Variants in AGBL1 observed in about 807,000 individuals in gnomAD.
The protein encoded by AGBL1 is AGBL carboxypeptidase 1, also known as cytosolic carboxypeptidase 4.
In AGBL1, 130 loss-of-function variants were observed where a neutral mutation model predicts 118.9. The ratio of observed to expected loss-of-function variants is 1.09; its 90% confidence interval spans 0.95 to 1.26. The LOEUF is 1.26. Ranked by LOEUF, AGBL1 falls within the 50% of genes most tolerant of loss-of-function variation. The probability of loss-of-function intolerance (pLI) is 0.00; values close to 1 mark genes in which losing one functional copy is unlikely to be tolerated. For synonymous variants in AGBL1, 555 were observed against 478.9 expected (o/e 1.16, Z -2.08); for missense variants, 1,584 against 1,298.1 (o/e 1.22, Z -3.38).
intron 3 of AGBL1, among the ~76,000 whole-genome samples, chr15:86,153,405 A>G (rs1315913302): frequency 6.6e-6 from 1 of 152,090 alleles, no homozygotes; most frequent in Non-Finnish European, 1.5e-5. Flanking sequence ...GCAAACTGTC[A>G]CAAGGACAGA....
chr15:86,438,064 C>A (rs35456624), intron 18 of AGBL1, among the ~76,000 whole-genome samples: 9,827 of 152,108 alleles, frequency 0.065, 885 homozygotes, highest in East Asian at 0.41. Flanking sequence ...TGCCACCATG[C>A]CCAACTAATT....
At chr15:86,620,231 A>T (rs1337200364) in intron 21 of AGBL1, among the ~76,000 whole-genome samples, 1 of 152,160 alleles carries the variant, frequency 6.6e-6, no homozygotes, top group African/African-American at 2.4e-5. Context: ...GGGCAGGAGG[A>T]TTCCGGGATG....
intron 22 of AGBL1, among the ~76,000 whole-genome samples, chr15:86,840,265 A>G (rs1567201220): frequency 6.6e-6 from 1 of 152,120 alleles, no homozygotes; most frequent in African/African-American, 2.4e-5. Context: ...CATTTCATCA[A>G]GAGGGCAAGT....
chr15:86,456,205 C>A (rs1265422230), intron 18 of AGBL1, among the ~76,000 whole-genome samples: 1 of 152,152 alleles, frequency 6.6e-6, no homozygotes, highest in Admixed American at 6.6e-5. Flanking sequence ...TGCTGCCAAT[C>A]TGAGTTGGGT....
intron 5 of AGBL1, among the ~76,000 whole-genome samples, chr15:86,181,840 T>C (rs1394366831): frequency 6.6e-6 from 1 of 152,096 alleles, no homozygotes; most frequent in African/African-American, 2.4e-5. Flanking sequence ...TTTATAATTA[T>C]TAAAATTAAA....
chr15:86,293,235 G>A (rs1383683618), intron 16 of AGBL1, among the ~76,000 whole-genome samples: 2 of 152,166 alleles, frequency 1.3e-5, no homozygotes, highest in Non-Finnish European at 2.9e-5. Context: ...GGCTTCAACA[G>A]GAACAGGTAC....
downstream of AGBL1, among the ~76,000 whole-genome samples, chr15:87,030,801 C>A (rs564862190): frequency 3.3e-5 from 5 of 151,908 alleles, no homozygotes; most frequent in Admixed American, 1.3e-4. Context: ...TTCCTTCACT[C>A]GGTCTATTTT....
chr15:86,798,714 G>A (rs780724507), intron 22 of AGBL1, among the ~76,000 whole-genome samples: 4 of 149,492 alleles, frequency 2.7e-5, no homozygotes, highest in Admixed American at 6.7e-5. Context: ...TGGGTAGTAC[G>A]TCTGGATATC....
chr15:86,802,967 C>CA (rs1179694989), intron 22 of AGBL1, among the ~76,000 whole-genome samples: 1 of 152,100 alleles, frequency 6.6e-6, no homozygotes, highest in African/African-American at 2.4e-5. Context: ...ATGTGTGACC[C>CA]ATTATTTGGA....
intron 19 of AGBL1, among the ~76,000 whole-genome samples, chr15:86,528,804 AC>A (rs2083305616): frequency 6.4e-5 from 2 of 31,172 alleles, no homozygotes; most frequent in African/African-American, 4.0e-4. Context: ...CTGACCCCTG[AC>A]CCCCGAGCAG....
chr15:86,708,235 G>A (rs563938022), intron 22 of AGBL1, among the ~76,000 whole-genome samples: 1 of 152,182 alleles, frequency 6.6e-6, no homozygotes, highest in South Asian at 2.1e-4. Context: ...TGGAGATAGG[G>A]TCTTAAGGGA....
intron 1 of AGBL1, among the ~76,000 whole-genome samples, chr15:86,092,161 A>C (rs1318115701): frequency 6.6e-6 from 1 of 152,156 alleles, no homozygotes; most frequent in Non-Finnish European, 1.5e-5. Context: ...TATACGTTTG[A>C]AAGTCTCCAG....
chr15:86,942,723 G>C lies in AGBL1; in HGVS notation c.3222-45264G>C, dbSNP rs186457292. Among the ~76,000 whole-genome samples, 1,266 of 152,092 alleles carry C rather than the reference G, an allele frequency of 8.3e-3. 8 individuals carry two copies. The highest frequency in any genetic ancestry group is 0.015 in the Non-Finnish European group (1,006 of 67,994). On this transcript the variant is annotated intron_variant, in intron 23 of 24. Coordinates refer to the AGBL1 transcript ENST00000441037. ...TTTGTAATCCCTTCTCTTACAGTTT[G>C]GGCTTTAGAAACAGTCGGCTTTTCT...
chr15:86,549,626 G>A (rs1333117574), intron 20 of AGBL1, among the ~76,000 whole-genome samples: 2 of 151,996 alleles, frequency 1.3e-5, no homozygotes, highest in Non-Finnish European at 2.9e-5. Context: ...TCAAGAATGT[G>A]AAATCCACGC....
chr15:86,248,621 C>T (rs556444197), intron 7 of AGBL1, among the ~76,000 whole-genome samples: 1 of 152,260 alleles, frequency 6.6e-6, no homozygotes, highest in Non-Finnish European at 1.5e-5. Context: ...TAGAAGAGTG[C>T]TTGCCATGAC....
intron 18 of AGBL1, among the ~76,000 whole-genome samples, chr15:86,437,669 C>T (rs6496327): frequency 0.38 from 57,412 of 151,970 alleles, 11,382 homozygotes; most frequent in East Asian, 0.68. Flanking sequence ...TCATCTAACA[C>T]GGAGTGAGCA....
At chr15:86,925,876 G>A (rs757997635) in intron 23 of AGBL1, among the ~76,000 whole-genome samples, 12 of 150,286 alleles carry the variant, frequency 8.0e-5, no homozygotes, top group South Asian at 6.4e-4. Flanking sequence ...GACTACAGGC[G>A]CCCGCCACCA....
rs558581936 is a variant in AGBL1, at chr15:86,480,384, C to T, written c.2556-42426C>T. 3.3e-3 allele frequency among the ~76,000 whole-genome samples: 497 copies of T among 152,104 alleles called. 2 individuals are homozygous for T. Among genetic ancestry groups the T allele is most frequent in the Non-Finnish European group, 5.5e-3 (371 of 67,970 alleles). ...ACTAATTTTCAAAGCACTCAAAGTT[C>T]ATTTTTTTCTCTTAAATGCTTATGT... On this transcript the variant is annotated intron_variant, in intron 18 of 22. Coordinates refer to ENST00000614907, the MANE Select transcript of AGBL1 (RefSeq NM_001386094.1).
intron 17 of AGBL1, among the ~76,000 whole-genome samples, chr15:86,364,560 A>T (rs138421399): frequency 8.1e-4 from 123 of 152,176 alleles, no homozygotes; most frequent in African/African-American, 2.8e-3. Context: ...TTTTCTACAC[A>T]TGTTGTGTTA....
Sources: gnomAD v4.1 joint callset for allele counts (sites outside exome capture counted in the v4.1 genomes callset) on GRCh38, gnomAD v4.1.1 for gene constraint, MANE v1.5 for transcripts, NCBI Gene and HGNC (gene_info 2026-07-23, HGNC 2026-07-21) for gene names.